Variants in NAV2 observed in about 807,000 individuals in gnomAD.
NAV2 encodes the protein helicase, APC down-regulated 1.
In NAV2, 54 loss-of-function variants were observed where a neutral mutation model predicts 223.2. The observed-to-expected ratio is 0.24, with a 90% CI of 0.19 to 0.30. NAV2 has a LOEUF of 0.30. Ranked by LOEUF, NAV2 falls within the 10% of genes least tolerant of loss-of-function variation. NAV2 has a pLI of 1.00. For missense variants in NAV2, 2,806 were observed against 3,147.5 expected (o/e 0.89, Z 2.60); for synonymous variants, 1,279 against 1,239.3 (o/e 1.03, Z -0.67).
intron 2 of NAV2, among the ~76,000 whole-genome samples, chr11:19,836,228 A>C (rs1486803280): frequency 6.6e-6 from 1 of 152,174 alleles, no homozygotes; most frequent in Non-Finnish European, 1.5e-5. Context: ...GATCTACCAC[A>C]GCTCTCAACT....
chr11:19,926,500 G>A (rs968595810), intron 6 of NAV2, among the ~76,000 whole-genome samples: 1 of 152,144 alleles, frequency 6.6e-6, no homozygotes, highest in African/African-American at 2.4e-5. Flanking sequence ...CAGGCTCCAA[G>A]AACCTTGCAG....
intron 1 of NAV2, among the ~76,000 whole-genome samples, chr11:19,578,374 C>T (rs966722012): frequency 2.0e-5 from 3 of 152,212 alleles, no homozygotes; most frequent in Non-Finnish European, 2.9e-5. Context: ...GAGGTTAAGC[C>T]AGGCAGTTGC....
upstream of NAV2, among the ~76,000 whole-genome samples, chr11:19,709,546 C>CAAAAAA (rs3043492): frequency 1.6e-5 from 1 of 63,154 alleles, no homozygotes; most frequent in African/African-American, 6.4e-5. Flanking sequence ...GACTCCGTCT[C>CAAAAAA]AAAAAAAAAA....
At chr11:19,877,770 C>A (rs534710397) in intron 4 of NAV2, among the ~76,000 whole-genome samples, 1 of 152,080 alleles carries the variant, frequency 6.6e-6, no homozygotes, top group Non-Finnish European at 1.5e-5. Flanking sequence ...CCGTGCCTGG[C>A]CGGCTTATCT....
chr11:19,973,427 T>C (rs752127431), intron 10 of NAV2, among the ~76,000 whole-genome samples: 8 of 152,200 alleles, frequency 5.3e-5, no homozygotes, highest in Non-Finnish European at 1.2e-4. Context: ...AGCCCACAGA[T>C]GATGATTGGC....
chr11:20,046,383 T>A (rs2057430734), intron 14 of NAV2, among the ~76,000 whole-genome samples: 1 of 150,682 alleles, frequency 6.6e-6, no homozygotes. Context: ...CAGAATGAGG[T>A]CTTGATACAC....
At chr11:19,576,261 CA>C (rs2045568437) in intron 1 of NAV2, among the ~76,000 whole-genome samples, 1 of 152,210 alleles carries the variant, frequency 6.6e-6, no homozygotes, top group Non-Finnish European at 1.5e-5. Context: ...CATTCTGATG[CA>C]AAAACCTGTT....
intron 1 of NAV2, among the ~76,000 whole-genome samples, chr11:19,725,582 T>G (rs2051166526): frequency 6.6e-6 from 1 of 152,252 alleles, no homozygotes; most frequent in Non-Finnish European, 1.5e-5. Context: ...GACTGCCTGG[T>G]GGACTCCATG....
Position 19,717,117 on chromosome 11 carries a change from C to T in NAV2, c.267+3155C>T, listed in dbSNP as rs145058759. 2.8e-4 allele frequency among the ~76,000 whole-genome samples: 42 copies of T among 152,308 alleles called. No individual in the cohort carries two copies. The South Asian group carries it at 5.8e-3, about 21-fold the overall frequency. ...AACCATTGAGCTAGATGAGGCTTAG[C>T]AAGGTACAGCCACTTGCTCTCGGTC... On this transcript the variant is annotated intron_variant, in intron 1 of 37. Transcript: ENST00000349880.
chr11:19,920,604 G>A (rs2044197516), intron 6 of NAV2, among the ~76,000 whole-genome samples: 1 of 152,122 alleles, frequency 6.6e-6, no homozygotes, highest in Non-Finnish European at 1.5e-5. Context: ...ATTATTTAAA[G>A]CACTTAGTAC....
Position 20,119,180 on chromosome 11 carries a change from T to C in NAV2, c.*922T>C, listed in dbSNP as rs1353573037. The C allele has an allele frequency of 6.7e-6, 1 of 150,152 alleles. No individual in the cohort carries two copies. The highest frequency in any genetic ancestry group is 1.5e-5 in the Non-Finnish European group (1 of 67,138). 9.3% of individuals were successfully genotyped at this position (150,152 alleles called of 1,614,324 possible). ...TCTTCCTTTCTGATGCATTGATTTT[T>C]GAAGATTTTTTTTTCCCCCTTCCCC... On this transcript the variant is annotated 3_prime_UTR_variant, in exon 38 of 38. Coordinates refer to ENST00000349880, the MANE Select transcript of NAV2 (RefSeq NM_145117.5).
chr11:19,824,143 G>T (rs1442924120), intron 1 of NAV2, among the ~76,000 whole-genome samples: 1 of 152,178 alleles, frequency 6.6e-6, no homozygotes, highest in Non-Finnish European at 1.5e-5. Flanking sequence ...CAGACACTGT[G>T]TTAACCACTT....
At chr11:19,821,198 C>G (rs890981822) in intron 1 of NAV2, among the ~76,000 whole-genome samples, 66 of 147,796 alleles carry the variant, frequency 4.5e-4, no homozygotes, top group African/African-American at 1.6e-3. Context: ...GGAGGCGGAG[C>G]TTGCAGTGAG....
intron 1 of NAV2, among the ~76,000 whole-genome samples, chr11:19,829,962 C>G (rs2059839788): frequency 6.6e-6 from 1 of 152,164 alleles, no homozygotes; most frequent in Non-Finnish European, 1.5e-5. Context: ...TGCGGTGGCT[C>G]ACGCCTGTAA....
intron 1 of NAV2, among the ~76,000 whole-genome samples, chr11:19,537,616 C>A (rs1267529519): frequency 6.6e-6 from 1 of 152,202 alleles, no homozygotes; most frequent in Non-Finnish European, 1.5e-5. Context: ...CAGCAGCCAC[C>A]AAGTGGACTG....
intron 11 of NAV2, among the ~76,000 whole-genome samples, chr11:20,033,584 C>A (rs1019547988): frequency 2.0e-5 from 3 of 152,154 alleles, no homozygotes; most frequent in Non-Finnish European, 4.4e-5. Context: ...TCACAATAAG[C>A]CCCTTTTGAG....
intron 1 of NAV2, among the ~76,000 whole-genome samples, chr11:19,510,385 A>G (rs749880405): frequency 6.6e-6 from 1 of 152,160 alleles, no homozygotes; most frequent in African/African-American, 2.4e-5. Flanking sequence ...CTCCATACTG[A>G]TTTCTTGTCT....
intron 7 of NAV2, among the ~76,000 whole-genome samples, chr11:19,935,931 C>T (rs1293522383): frequency 2.2e-5 from 3 of 133,996 alleles, no homozygotes; most frequent in Non-Finnish European, 3.1e-5. Context: ...CATCTCAGCT[C>T]ACTGCAACCT....
chr11:19,988,106 T>A (rs567378504), intron 11 of NAV2, among the ~76,000 whole-genome samples: 1 of 152,212 alleles, frequency 6.6e-6, no homozygotes, highest in South Asian at 2.1e-4. Context: ...GCTTTGATAG[T>A]GTAAAGATCA....
Sources: gnomAD v4.1 joint callset for allele counts (sites outside exome capture counted in the v4.1 genomes callset) on GRCh38, gnomAD v4.1.1 for gene constraint, MANE v1.5 for transcripts, NCBI Gene and HGNC (gene_info 2026-07-23, HGNC 2026-07-21) for gene names.